Variants in THSD7A observed in about 807,000 individuals in gnomAD.
THSD7A encodes thrombospondin type-1 domain-containing protein 7A.
Under a neutral mutation model 231.3 loss-of-function variants are expected in THSD7A, and 96 were observed. The observed-to-expected ratio is 0.41, with a 90% CI of 0.35 to 0.49. THSD7A has a LOEUF of 0.49. THSD7A is among the 20% of genes least tolerant of loss of function. The probability of loss-of-function intolerance (pLI) is 0.05; values close to 1 mark genes in which losing one functional copy is unlikely to be tolerated. For missense variants in THSD7A, 2,290 were observed against 2,070.2 expected, an observed-to-expected ratio of 1.11 and a Z score of -2.06; for synonymous variants, 940 against 743.3, an observed-to-expected ratio of 1.26 and a Z score of -4.30.
rs147428104 is a variant in THSD7A at position 11,686,371 on chromosome 7, T to C, written c.191-49410A>G. ...AAAGGAGCTATTAAAAATTTTAACATAAAATAATGCTATTTAGCATTCTTT... is the reference window on the plus strand; with the variant it reads ...AAAGGAGCTATTAAAAATTTTAACACAAAATAATGCTATTTAGCATTCTTT... On this transcript the variant is annotated intron_variant, in intron 1 of 27. Transcript: ENST00000423059. 2.8e-4 allele frequency among the ~76,000 whole-genome samples: 42 copies of C among 152,010 alleles called. No homozygotes were observed. In the East Asian group the frequency reaches 5.3e-3, roughly 19 times the overall value.
Position 11,632,725 on chromosome 7 carries a change from T to C in THSD7A, c.1022+3405A>G, listed in dbSNP as rs537944963. 4.6e-5 allele frequency among the ~76,000 whole-genome samples: 7 copies of C among 152,324 alleles called. No individual in the cohort carries two copies. The highest frequency in any genetic ancestry group is 1.7e-4 in the African/African-American group (7 of 41,580). ...TTTCAGTCTGATGTCTCTTCACCTA[T>C]CTCTCTCCATAAAAGTTGATCTATA... On this transcript the variant is annotated intron_variant, in intron 2 of 27. Transcript: ENST00000423059. This position sits in a 1 kb window ranked among gnomAD's most constrained non-coding sequence, Gnocchi z 4.1.
chr7:11,773,350 T>C (rs371811164), intron 1 of THSD7A, among the ~76,000 whole-genome samples: 4 of 152,012 alleles, frequency 2.6e-5, no homozygotes, highest in African/African-American at 4.8e-5. Context: ...CTGATCAAAA[T>C]GGAGAAACCC....
At chr7:11,824,439 A>G (rs558473841) in intron 1 of THSD7A, among the ~76,000 whole-genome samples, 12 of 152,124 alleles carry the variant, frequency 7.9e-5, no homozygotes, top group South Asian at 4.2e-4. Flanking sequence ...TCCTCCCACC[A>G]TCAGGCCTGT....
At chr7:11,702,221 G>T (rs1191093705) in intron 1 of THSD7A, among the ~76,000 whole-genome samples, 1 of 151,200 alleles carries the variant, frequency 6.6e-6, no homozygotes, top group Non-Finnish European at 1.5e-5. Flanking sequence ...GGTATGATGT[G>T]GCTGGGTTCT....
At chr7:11,616,772 A>G (rs999545059) in intron 2 of THSD7A, among the ~76,000 whole-genome samples, 2 of 152,096 alleles carry the variant, frequency 1.3e-5, no homozygotes, top group African/African-American at 4.8e-5. Flanking sequence ...TTTTTCTTGA[A>G]AGGGCACATC....
At chr7:11,774,487 TACACACACACAC>T (rs71830837) in intron 1 of THSD7A, among the ~76,000 whole-genome samples, 6,949 of 148,936 alleles carry the variant, frequency 0.047, 487 homozygotes, top group African/African-American at 0.15. Context: ...TAAGCATTCT[TACACACACACAC>T]ACACACACAC....
At chr7:11,424,244 T>C (rs1196515197) in intron 16 of THSD7A, among the ~76,000 whole-genome samples, 1 of 151,994 alleles carries the variant, frequency 6.6e-6, no homozygotes, top group Non-Finnish European at 1.5e-5. Flanking sequence ...TGGGACAGTG[T>C]AGCTACAGAA....
At chr7:11,584,297 A>C (rs992503260) in intron 4 of THSD7A, among the ~76,000 whole-genome samples, 1 of 152,160 alleles carries the variant, frequency 6.6e-6, no homozygotes, top group African/African-American at 2.4e-5. Context: ...ATAATTGATT[A>C]TATTACTGTA....
At chr7:11,694,638 T>A (rs531011820) in intron 1 of THSD7A, among the ~76,000 whole-genome samples, 8 of 151,672 alleles carry the variant, frequency 5.3e-5, no homozygotes, top group African/African-American at 1.9e-4. Context: ...TCACAAGGTT[T>A]GTTAAATACA....
chr7:11,598,220 G>A (rs1780433866), intron 2 of THSD7A, among the ~76,000 whole-genome samples: 1 of 152,198 alleles, frequency 6.6e-6, no homozygotes, highest in African/African-American at 2.4e-5. Flanking sequence ...CAGGGACTTG[G>A]AAGAAGCATG....
chr7:11,524,477 C>A (rs995528509), intron 6 of THSD7A, among the ~76,000 whole-genome samples: 41 of 152,244 alleles, frequency 2.7e-4, no homozygotes, highest in African/African-American at 7.0e-4. Flanking sequence ...TTTCAACGAA[C>A]CTTTAAGTTG....
intron 14 of THSD7A, among the ~76,000 whole-genome samples, chr7:11,427,145 C>A (rs1320809607): frequency 6.6e-6 from 1 of 152,118 alleles, no homozygotes; most frequent in African/African-American, 2.4e-5. Flanking sequence ...AATAGAAACT[C>A]AGAGACTGTT....
At chr7:11,654,901 C>T (rs1478622377) in intron 1 of THSD7A, among the ~76,000 whole-genome samples, 4 of 151,914 alleles carry the variant, frequency 2.6e-5, no homozygotes, top group South Asian at 2.1e-4. Flanking sequence ...TAAACTAAGG[C>T]AAATGTTCGA....
rs567385883 is a variant in THSD7A at position 11,683,433 on chromosome 7, GAA to G, written c.191-46474_191-46473del. 1.1e-3 allele frequency among the ~76,000 whole-genome samples: 171 copies of G among 151,708 alleles called. 1 individual carries two copies. The highest frequency in any genetic ancestry group is 1.8e-3 in the Non-Finnish European group (125 of 67,880). The stretch of plus-strand genomic sequence containing the variant: ...AAATCTATACAAAAATCAGTGAAAC[GAA>G]AAGTTATTTTTCTGAAAAGATAAAC... On this transcript the variant is annotated intron_variant, in intron 1 of 27. Transcript: ENST00000423059.
chr7:11,424,840 C>A lies in THSD7A; in HGVS notation c.3250-11G>T. ...GACAACCTCATACACCTGAAACACACATGGTTCTCAGCAATCTCAGGGAAT... is the reference window on the plus strand; with the variant it reads ...GACAACCTCATACACCTGAAACACAAATGGTTCTCAGCAATCTCAGGGAAT... On this transcript the variant is annotated splice_polypyrimidine_tract_variant and intron_variant, in intron 15 of 27. Transcript: ENST00000423059. 6.2e-7 allele frequency: 1 copy of A among 1,613,792 alleles called. No homozygotes were observed. The highest frequency in any genetic ancestry group is 8.5e-7 in the Non-Finnish European group (1 of 1,179,802).
chr7:11,631,005 C>A (rs966703727), intron 2 of THSD7A, among the ~76,000 whole-genome samples: 1 of 152,200 alleles, frequency 6.6e-6, no homozygotes, highest in Non-Finnish European at 1.5e-5. Context: ...AGCCAGAAGA[C>A]CAGAAAATAA....
At chr7:11,612,684 C>T (rs2248148) in intron 2 of THSD7A, among the ~76,000 whole-genome samples, 58,299 of 152,032 alleles carry the variant, frequency 0.38, 12,105 homozygotes, top group East Asian at 0.56. Context: ...CATCTTCCAA[C>T]ATGACAATCG....
At chr7:11,821,052 A>G in intron 1 of THSD7A, 1 of 992,330 alleles carries the variant, frequency 1.0e-6, no homozygotes, top group Non-Finnish European at 1.6e-6. Flanking sequence ...ATCACGAGCC[A>G]AACCATGTTT....
At chr7:11,624,902 T>C (rs188177907) in intron 2 of THSD7A, among the ~76,000 whole-genome samples, 138 of 152,270 alleles carry the variant, frequency 9.1e-4, no homozygotes, top group African/African-American at 3.1e-3. Flanking sequence ...ATTTTGTATT[T>C]AATTTTATTA....
Sources: gnomAD v4.1 joint callset for allele counts (sites outside exome capture counted in the v4.1 genomes callset) on GRCh38, gnomAD v4.1.1 for gene constraint, Gnocchi (gnomAD v3.1) non-coding constraint, MANE v1.5 for transcripts, NCBI Gene and HGNC (gene_info 2026-07-23, HGNC 2026-07-21) for gene names.